The following NEB variants were observed in gnomAD, a reference collection of about 807,000 sequenced individuals.
The protein encoded by NEB is nemaline myopathy type 2.
In NEB, 512 loss-of-function variants were observed where a neutral mutation model predicts 952.2. The ratio of observed to expected loss-of-function variants is 0.54; its 90% CI spans 0.50 to 0.58. The LOEUF (loss-of-function observed/expected upper bound fraction) is 0.58. Ranked by LOEUF, NEB falls within the 20% of genes least tolerant of loss-of-function variation. The pLI is 0.00. For synonymous variants in NEB, 2,900 were observed against 3,149.8 expected (o/e 0.92, Z 2.66); for missense variants, 8,428 against 9,231.1 (o/e 0.91, Z 3.56).
At chr2:151,549,076 G>T (rs1243515164) in intron 130 of NEB, among the ~76,000 whole-genome samples, 1 of 152,188 alleles carries the variant, frequency 6.6e-6, no homozygotes, top group Non-Finnish European at 1.5e-5. Context: ...AGGGCAACAT[G>T]AGGGTCATCA....
At chr2:151,540,486 T>C (rs758926883) in intron 137 of NEB, 38 bp from the exon 138 acceptor site, 4 of 1,483,674 alleles carry the variant, frequency 2.7e-6, no homozygotes, top group Middle Eastern at 1.7e-4. Flanking sequence ...CAAGCTTAAG[T>C]GTCTTCCCAA....
rs763364977 is a variant in NEB, at chr2:151,496,308, G to T, written c.24454C>A (p.Arg8152=). ...ATATTTTCTTGATTGTGTTTGACTCGCTCCATCTCGGGAGTGACAGCTAAA... is the reference window on the plus strand; with the variant it reads ...ATATTTTCTTGATTGTGTTTGACTCTCTCCATCTCGGGAGTGACAGCTAAA... ...TPLAVTPEME[R]VKHNQENISS... Residue 8152 remains arginine, a synonymous_variant, in exon 173 of 182, where the codon CGA becomes AGA. Transcript: ENST00000397345. 19 of 1,611,224 alleles carry T rather than the reference G, an allele frequency of 1.2e-5. No homozygotes were observed. Among genetic ancestry groups the T allele is most frequent in the Non-Finnish European group, 1.6e-5 (19 of 1,178,516 alleles).
chr2:151,576,736 T>A (rs2096879892), intron 105 of NEB, among the ~76,000 whole-genome samples: 1 of 151,654 alleles, frequency 6.6e-6, no homozygotes, highest in Non-Finnish European at 1.5e-5. Flanking sequence ...AGTTTCACCA[T>A]GCTAGCCAGG....
chr2:151,696,618 A>C lies in NEB; in HGVS notation c.1569+19T>G, dbSNP rs1377238226. 1 of 1,577,522 alleles carries C rather than the reference A, an allele frequency of 6.3e-7. No homozygotes were observed. Among genetic ancestry groups the C allele is most frequent in the African/African-American group, 1.3e-5 (1 of 74,266 alleles). Reference sequence around the variant, plus strand: ...TTATCCCTCATAATTGGGTGTCCTGAGTAGTTAGAGGAACTTACGTCACTC... The same window carrying C: ...TTATCCCTCATAATTGGGTGTCCTGCGTAGTTAGAGGAACTTACGTCACTC... On this transcript the variant is annotated intron_variant, in intron 17 of 181. Transcript: ENST00000397345.
At chr2:151,591,757 C>T (rs1220447400) in intron 95 of NEB, among the ~76,000 whole-genome samples, 30 of 152,280 alleles carry the variant, frequency 2.0e-4, no homozygotes, top group African/African-American at 6.3e-4. Context: ...GATGGATGGC[C>T]CACTAAAACC....
At chr2:151,611,408 G>T (rs2097954239) in intron 78 of NEB, among the ~76,000 whole-genome samples, 1 of 152,136 alleles carries the variant, frequency 6.6e-6, no homozygotes, top group South Asian at 2.1e-4. Flanking sequence ...TCCTATTGCT[G>T]TTATCATTGT....
chr2:151,640,403 G>A lies in NEB; in HGVS notation c.8637C>T (p.Asp2879=). ...NYLHQWTCLP[D]QSDVIHARQA... is the part of the protein sequence containing the mutation. ...GCCGAGCATGGATGACGTCGCTCTG[G>A]TCGGGCAGGCATGTCCACTGGTGCA... is the stretch of plus-strand genomic sequence containing the variant. Residue 2879 remains aspartate (D), a synonymous_variant, in exon 61 of 182, where the codon GAC becomes GAT. Coordinates refer to ENST00000397345, the MANE Select transcript of NEB (RefSeq NM_001164508.2). The A allele has an allele frequency of 6.2e-7, 1 of 1,613,950 alleles. No homozygotes were observed. Among genetic ancestry groups the A allele is most frequent in the Non-Finnish European group, 8.5e-7 (1 of 1,179,880 alleles).
intron 92 of NEB, among the ~76,000 whole-genome samples, chr2:151,594,749 G>A (rs374776000): frequency 0.042 from 3,971 of 94,932 alleles, 101 homozygotes; most frequent in Middle Eastern, 0.065. Context: ...TATTCCAGTT[G>A]GGGAAAACAA....
chr2:151,657,252 A>G (rs2099095549), intron 48 of NEB, among the ~76,000 whole-genome samples: 1 of 152,188 alleles, frequency 6.6e-6, no homozygotes, highest in African/African-American at 2.4e-5. Flanking sequence ...GATGAAGAAT[A>G]GAGATGGGAG....
In NEB at chr2:151,644,447, C is replaced by A. The variant is rs763676476; in HGVS notation, c.7644+21G>T. 2.1e-5 allele frequency: 34 copies of A among 1,581,566 alleles called. No homozygotes were observed. In the South Asian group the frequency reaches 3.5e-4, roughly 16 times the overall value. ...TGATAAATTGCAATCAAATCAATATCAACAGAGGATAAAATCTTACTTCAC... is the reference window on the plus strand; with the variant it reads ...TGATAAATTGCAATCAAATCAATATAAACAGAGGATAAAATCTTACTTCAC... On this transcript the variant is annotated intron_variant, in intron 56 of 181. Coordinates refer to ENST00000397345, the MANE Select transcript of NEB (RefSeq NM_001164508.2).
chr2:151,705,193 G>T (rs1177353422), intron 13 of NEB, among the ~76,000 whole-genome samples: 2 of 151,714 alleles, frequency 1.3e-5, no homozygotes, highest in East Asian at 3.9e-4. Context: ...ATATGAACTG[G>T]TACTAAGAGT....
intron 32 of NEB, among the ~76,000 whole-genome samples, chr2:151,679,123 A>T (rs530990385): frequency 5.3e-5 from 8 of 152,312 alleles, no homozygotes; most frequent in African/African-American, 1.4e-4. Context: ...CACAGAAATC[A>T]TGGGGAGGGG....
At chr2:151,627,417 A>G (rs1009325052) in intron 69 of NEB, 106 bp downstream of exon 69, 2 of 1,495,652 alleles carry the variant, frequency 1.3e-6, no homozygotes, top group African/African-American at 2.8e-5. Context: ...AGCAGAGAGA[A>G]GAAATGTCAT....
intron 70 of NEB, among the ~76,000 whole-genome samples, chr2:151,626,229 C>T (rs2154054786): frequency 6.6e-6 from 1 of 152,084 alleles, no homozygotes; most frequent in African/African-American, 2.4e-5. Context: ...ATCCTCCCAC[C>T]TCAGCCTCCC....
intron 161 of NEB, among the ~76,000 whole-genome samples, chr2:151,511,582 A>G (rs556111600): frequency 2.6e-5 from 4 of 152,338 alleles, no homozygotes; most frequent in African/African-American, 7.2e-5. Flanking sequence ...CAGCTAGGGC[A>G]CGTTAACTAT....
chr2:151,493,917 TATTA>T (rs2058410564), intron 174 of NEB, 50 bp from the exon 175 acceptor site: 29 of 1,225,420 alleles, frequency 2.4e-5, no homozygotes, highest in Non-Finnish European at 3.2e-5. Context: ...TAATAATCAC[TATTA>T]ATTATATTGC....
intron 9 of NEB, among the ~76,000 whole-genome samples, chr2:151,719,886 C>CAAAA (rs34116466): frequency 0.08 from 8,267 of 103,028 alleles, 485 homozygotes; most frequent in African/African-American, 0.11. Flanking sequence ...GACCCTGTCT[C>CAAAA]AAAAAAAAAA....
intron 65 of NEB, among the ~76,000 whole-genome samples, chr2:151,631,592 G>A (rs1197571382): frequency 6.6e-6 from 1 of 152,128 alleles, no homozygotes; most frequent in Non-Finnish European, 1.5e-5. Context: ...TCTTCTGTCA[G>A]TTGGTTCAGT....
At chr2:151,529,132 G>A (rs755867355) in intron 146 of NEB, 78 bp downstream of exon 146, 12 of 925,180 alleles carry the variant, frequency 1.3e-5, no homozygotes, top group Non-Finnish European at 2.0e-5. Flanking sequence ...ATTGCCTGAA[G>A]AGATGTAAAA....
Sources: allele counts gnomAD v4.1 joint callset (sites outside exome capture counted in the v4.1 genomes callset), GRCh38; gene constraint gnomAD v4.1.1; transcripts MANE v1.5; gene names NCBI Gene and HGNC (gene_info 2026-07-23, HGNC 2026-07-21).